RAB27A: variants seen among roughly 807,000 people sequenced by gnomAD.
RAB27A encodes the protein RAB27A, member RAS oncogene family.
A neutral mutation model predicts 20.8 loss-of-function variants in RAB27A; 17 were observed. The observed-to-expected ratio is 0.82, with a 90% CI of 0.56 to 1.23. The LOEUF is 1.23. Ranked by LOEUF, RAB27A falls within the 50% of genes most tolerant of loss-of-function variation. The pLI is 0.00. For missense variants in RAB27A, 277 were observed against 266.7 expected, an observed-to-expected ratio of 1.04 and a Z score of -0.27; for synonymous variants, 85 against 92.8, an observed-to-expected ratio of 0.92 and a Z score of 0.48.
chr15:55,300,680 CAA>C (rs35743897), intron 2 of RAB27A, among the ~76,000 whole-genome samples: 3 of 147,414 alleles, frequency 2.0e-5, no homozygotes, highest in African/African-American at 4.9e-5. Flanking sequence ...ACTCTGTCTC[CAA>C]AAAAAAAAAT....
intron 5 of RAB27A, among the ~76,000 whole-genome samples, chr15:55,227,804 C>T (rs1030779359): frequency 1.3e-5 from 2 of 152,192 alleles, no homozygotes; most frequent in African/African-American, 4.8e-5. Context: ...ATTACCCTTT[C>T]ATAATCCCAA....
In RAB27A at chr15:55,203,259, CTTATTT is replaced by C. The variant is rs373512991; in HGVS notation, c.*2242_*2247del. On this transcript the variant is annotated 3_prime_UTR_variant, in exon 7 of 7. Transcript: ENST00000336787. ...TTGAAAACTGAAACATGCAAACATTCTTATTTTTATGTTTAAAGACATTTAATGTGT... is the reference window on the plus strand; with the variant it reads ...TTGAAAACTGAAACATGCAAACATTCTTATGTTTAAAGACATTTAATGTGT... 2.0e-4 allele frequency: 30 copies of C among 152,214 alleles called. No individual in the cohort carries two copies. The highest frequency in any genetic ancestry group is 6.7e-4 in the African/African-American group (28 of 41,544). The allele number at this position is 152,214 out of a possible 1,614,324, so 9.4% of individuals were successfully genotyped here. A position where few individuals can be genotyped will look rare whatever the true frequency, so the allele number is the denominator to read the frequency against.
chr15:55,302,939 G>A (rs1013905930), intron 2 of RAB27A, among the ~76,000 whole-genome samples: 3 of 136,412 alleles, frequency 2.2e-5, no homozygotes, highest in South Asian at 2.4e-4. Flanking sequence ...TCTGGGAAGT[G>A]AGGAGCATCT....
At chr15:55,264,653 C>T (rs1393971976) in intron 2 of RAB27A, among the ~76,000 whole-genome samples, 1 of 152,038 alleles carries the variant, frequency 6.6e-6, no homozygotes. Flanking sequence ...ATACATATAC[C>T]TCTCCAAAAT....
At chr15:55,279,113 C>G (rs1189047956) in intron 1 of RAB27A, among the ~76,000 whole-genome samples, 1 of 152,118 alleles carries the variant, frequency 6.6e-6, no homozygotes. Context: ...CAAAATATGG[C>G]CTAGGAACCC....
chr15:55,304,726 T>C (rs1306436757), intron 2 of RAB27A, among the ~76,000 whole-genome samples: 5 of 152,242 alleles, frequency 3.3e-5, no homozygotes, highest in Admixed American at 6.5e-5. Context: ...TATACGGAAA[T>C]ACCACTTATT....
chr15:55,215,825 A>G (rs1408575206), intron 6 of RAB27A, among the ~76,000 whole-genome samples: 1 of 151,548 alleles, frequency 6.6e-6, no homozygotes. Flanking sequence ...AGGCGCCTAT[A>G]ATCCCAGCTA....
intron 2 of RAB27A, among the ~76,000 whole-genome samples, chr15:55,297,536 A>G (rs1470319397): frequency 1.3e-5 from 2 of 152,248 alleles, no homozygotes; most frequent in Non-Finnish European, 2.9e-5. Flanking sequence ...AGCACAGCAC[A>G]TTCTGCAGGC....
chr15:55,210,187 GTA>G (rs1566897182), intron 6 of RAB27A, among the ~76,000 whole-genome samples: 27 of 129,580 alleles, frequency 2.1e-4, no homozygotes, highest in African/African-American at 8.9e-4. Flanking sequence ...ACACACATAT[GTA>G]TGTGTGTATA....
At chr15:55,207,442 C>T (rs1013273304) in intron 6 of RAB27A, among the ~76,000 whole-genome samples, 1 of 152,172 alleles carries the variant, frequency 6.6e-6, no homozygotes, top group Non-Finnish European at 1.5e-5. Flanking sequence ...CAAACTTGAG[C>T]AGCCTTATCT....
intron 6 of RAB27A, among the ~76,000 whole-genome samples, chr15:55,207,360 T>G (rs1310159846): frequency 6.6e-6 from 1 of 152,146 alleles, no homozygotes; most frequent in Admixed American, 6.5e-5. Flanking sequence ...ACATGAGACA[T>G]CAGCAATCCC....
At chr15:55,210,024 A>G (rs1374375406) in intron 6 of RAB27A, among the ~76,000 whole-genome samples, 6 of 142,776 alleles carry the variant, frequency 4.2e-5, no homozygotes, top group Non-Finnish European at 9.2e-5. Context: ...ATATATACGC[A>G]TATATATGTG....
Position 55,224,008 on chromosome 15 carries a change from C to T in RAB27A, c.348G>A (p.Gln116=), listed in dbSNP as rs1895698489. 1 of 1,573,644 alleles carries T rather than the reference C, an allele frequency of 6.4e-7. No homozygotes were observed. Residue 116 remains glutamine, a synonymous_variant, in exon 6 of 7, where the codon CAG becomes CAA. Coordinates refer to ENST00000336787, the MANE Select transcript of RAB27A (RefSeq NM_183235.3). The part of the protein sequence containing the change: ...SFLNVRNWIS[Q]LQMHAYCENP... ...TTTCACAATATGCATGCATCTGTAG[C>T]TGGCCTATTAATATAAGAAAGTTTA...
At chr15:55,306,110 G>T (rs572729053) in intron 2 of RAB27A, among the ~76,000 whole-genome samples, 1 of 152,252 alleles carries the variant, frequency 6.6e-6, no homozygotes, top group African/African-American at 2.4e-5. Context: ...CAGACTATTC[G>T]TGGGGGGGAG....
intron 6 of RAB27A, among the ~76,000 whole-genome samples, chr15:55,207,250 T>C (rs1180145143): frequency 2.0e-5 from 3 of 152,146 alleles, no homozygotes; most frequent in Admixed American, 6.5e-5. Context: ...TCTGATAAAA[T>C]TGAAACATGC....
At chr15:55,302,593 G>A (rs545797392) in intron 2 of RAB27A, among the ~76,000 whole-genome samples, 134 of 135,232 alleles carry the variant, frequency 9.9e-4, no homozygotes, top group South Asian at 1.8e-3. Flanking sequence ...AGTGAGGAGC[G>A]TCTCCGCCCG....
At chr15:55,220,872 C>T (rs1263035322) in intron 6 of RAB27A, among the ~76,000 whole-genome samples, 2 of 152,202 alleles carry the variant, frequency 1.3e-5, no homozygotes, top group East Asian at 3.8e-4. Context: ...TGCCAAACAG[C>T]CTACCAAACT....
intron 3 of RAB27A, among the ~76,000 whole-genome samples, chr15:55,234,041 T>G (rs1321044059): frequency 1.3e-5 from 2 of 152,162 alleles, no homozygotes; most frequent in Non-Finnish European, 2.9e-5. Flanking sequence ...CCTTTCCCCC[T>G]GACAGAATAT....
At position 55,228,695 on chromosome 15, in the gene RAB27A, G is replaced by A. The variant is rs369777755; in HGVS notation, c.257C>T (p.Thr86Ile). 18 of 1,613,282 alleles carry A rather than the reference G, an allele frequency of 1.1e-5. No individual in the cohort carries two copies. Among genetic ancestry groups the A allele is most frequent in the African/African-American group, 4.0e-5 (3 of 74,916 alleles). ...ACCCATAGCATCTCTGAAGAACGCT[G>A]TCGTTAAGCTACGAAACCTAGGAAC... is the stretch of plus-strand genomic sequence containing the variant. ...AGQERFRSLT[T>I]AFFRDAMGFL... Residue 86 changes from threonine to isoleucine, a missense_variant, in exon 5 of 7, where the codon ACA (threonine) becomes ATA (isoleucine). Transcript: ENST00000336787.
Sources: allele counts gnomAD v4.1 joint callset (sites outside exome capture counted in the v4.1 genomes callset), GRCh38; gene constraint gnomAD v4.1.1; transcripts MANE v1.5; gene names NCBI Gene and HGNC (gene_info 2026-07-23, HGNC 2026-07-21).